Variants in DENND1A observed in about 807,000 individuals in gnomAD.
DENND1A encodes DENN domain containing 1A.
A neutral mutation model predicts 113.7 loss-of-function variants in DENND1A; 51 were observed. That is an observed-to-expected ratio of 0.45 (90% CI 0.36 to 0.57). DENND1A has a LOEUF of 0.57. Ranked by LOEUF, DENND1A falls within the 20% of genes least tolerant of loss-of-function variation. DENND1A has a pLI of 0.00. For synonymous variants in DENND1A, 565 were observed against 570.8 expected (o/e 0.99, Z 0.14); for missense variants, 1,258 against 1,395.9 (o/e 0.90, Z 1.57).
At chr9:123,425,997 A>G (rs541607418) in intron 19 of DENND1A, among the ~76,000 whole-genome samples, 23 of 152,382 alleles carry the variant, frequency 1.5e-4, no homozygotes, top group African/African-American at 4.8e-4. Context: ...GGACTAGAGA[A>G]GAAGGGACTC....
At chr9:123,634,852 C>T (rs943330596) in intron 9 of DENND1A, among the ~76,000 whole-genome samples, 1 of 152,178 alleles carries the variant, frequency 6.6e-6, no homozygotes, top group African/African-American at 2.4e-5. Context: ...AATTATACAG[C>T]CAACAGCCAG....
chr9:123,629,200 A>G (rs1419713898), intron 10 of DENND1A, among the ~76,000 whole-genome samples: 1 of 152,230 alleles, frequency 6.6e-6, no homozygotes, highest in Non-Finnish European at 1.5e-5. Context: ...ACCAGTGGTC[A>G]GTGTCCCGTG....
At chr9:123,430,888 C>G (rs1269778864) in intron 19 of DENND1A, among the ~76,000 whole-genome samples, 1 of 152,080 alleles carries the variant, frequency 6.6e-6, no homozygotes, top group East Asian at 1.9e-4. Context: ...TATATAGTCC[C>G]AGCAACTTGG....
At chr9:123,678,403 T>A (rs1230228085) in intron 5 of DENND1A, among the ~76,000 whole-genome samples, 2 of 152,132 alleles carry the variant, frequency 1.3e-5, no homozygotes, top group Non-Finnish European at 2.9e-5. Context: ...TAGAAGGAAA[T>A]TTTCCAAAGC....
intron 21 of DENND1A, among the ~76,000 whole-genome samples, chr9:123,395,159 G>T (rs1479285383): frequency 6.6e-6 from 1 of 152,172 alleles, no homozygotes; most frequent in Non-Finnish European, 1.5e-5. Flanking sequence ...CCTTTCAGGG[G>T]TGACTGAAAT....
At chr9:123,627,687 C>A (rs1217806233) in intron 10 of DENND1A, among the ~76,000 whole-genome samples, 1 of 150,216 alleles carries the variant, frequency 6.7e-6, no homozygotes, top group Non-Finnish European at 1.5e-5. Flanking sequence ...TTGCAGTGAG[C>A]CCAGATTGTG....
chr9:123,479,938 G>T lies in DENND1A; in HGVS notation c.994-22041C>A, dbSNP rs573243622. 2.0e-5 allele frequency among the ~76,000 whole-genome samples: 3 copies of T among 152,356 alleles called. No individual in the cohort carries two copies. In the South Asian group the frequency reaches 6.2e-4, roughly 32 times the overall value. ...AAAAGAGCTTTCATTTAGTCATGAT[G>T]AATGGGGAAGGCAAATGTCAGCTGA... On this transcript the variant is annotated intron_variant, in intron 13 of 23. Coordinates refer to ENST00000394215, the MANE Select transcript of DENND1A (RefSeq NM_001352964.2).
intron 21 of DENND1A, chr9:123,401,906 G>A: frequency 6.2e-7 from 1 of 1,614,132 alleles, no homozygotes; most frequent in Non-Finnish European, 8.5e-7. Context: ...GTGTTGCAAT[G>A]GTGTTTCTGT....
intron 18 of DENND1A, among the ~76,000 whole-genome samples, chr9:123,441,322 T>C (rs1250605218): frequency 6.6e-6 from 1 of 152,254 alleles, no homozygotes; most frequent in Non-Finnish European, 1.5e-5. Context: ...TTTCCACATT[T>C]GTTTACTGAT....
In DENND1A at chr9:123,644,744, A is replaced by G. The variant is rs552286085; in HGVS notation, c.618+7269T>C. ...AGCCTCCTTCCCCTGACACTGCATC[A>G]TAACGACCTATATTCATGGCCACCT... is the stretch of plus-strand genomic sequence containing the variant. On this transcript the variant is annotated intron_variant, in intron 9 of 23. Transcript: ENST00000394215. Among the ~76,000 whole-genome samples, 13 of 152,344 alleles carry G rather than the reference A, an allele frequency of 8.5e-5. No individual in the cohort carries two copies. In the South Asian group the frequency reaches 2.7e-3, roughly 32 times the overall value.
At position 123,757,833 on chromosome 9, in the gene DENND1A, G is replaced by A. The variant is rs2070700407; in HGVS notation, c.183-11C>T. The A allele has an allele frequency of 2.5e-6, 4 of 1,612,840 alleles. No individual in the cohort carries two copies. Among genetic ancestry groups the A allele is most frequent in the Non-Finnish European group, 3.4e-6 (4 of 1,179,420 alleles). On this transcript the variant is annotated splice_polypyrimidine_tract_variant and intron_variant, in intron 4 of 23. Coordinates refer to ENST00000394215, the MANE Select transcript of DENND1A (RefSeq NM_001352964.2). ...TGGCTAACTGTGAGGCTGCAGCAAA[G>A]GCAGAACAAAGGGGAAAATGAATGT...
intron 10 of DENND1A, among the ~76,000 whole-genome samples, chr9:123,629,420 G>A (rs564161049): frequency 6.6e-6 from 1 of 152,290 alleles, no homozygotes; most frequent in South Asian, 2.1e-4. Context: ...GATCCAAATC[G>A]GTCACAAAGA....
intron 5 of DENND1A, among the ~76,000 whole-genome samples, chr9:123,718,561 G>A (rs777368687): frequency 3.9e-5 from 6 of 152,180 alleles, no homozygotes; most frequent in Non-Finnish European, 7.3e-5. Context: ...TCTTAAGTCA[G>A]TTGAAACAAC....
chr9:123,504,719 C>T (rs549510336), intron 13 of DENND1A, among the ~76,000 whole-genome samples: 11 of 152,282 alleles, frequency 7.2e-5, no homozygotes, highest in East Asian at 3.9e-4. Flanking sequence ...AGAAGAGAGG[C>T]GCTCAGGCAG....
chr9:123,862,551 C>G (rs766609485), intron 2 of DENND1A, among the ~76,000 whole-genome samples: 2 of 152,166 alleles, frequency 1.3e-5, no homozygotes, highest in Non-Finnish European at 2.9e-5. Context: ...TCATTCACCA[C>G]AGAGCAAAAC....
At chr9:123,699,064 G>A (rs1024751788) in intron 5 of DENND1A, among the ~76,000 whole-genome samples, 4 of 150,868 alleles carry the variant, frequency 2.7e-5, no homozygotes, top group South Asian at 2.1e-4. Flanking sequence ...GACTTAACCC[G>A]TGGTTCCCCC....
At chr9:123,678,092 C>T (rs1425394391) in intron 5 of DENND1A, among the ~76,000 whole-genome samples, 3 of 152,170 alleles carry the variant, frequency 2.0e-5, no homozygotes, top group African/African-American at 7.2e-5. Context: ...TCTCTCTTTT[C>T]TGTGCTGCCC....
chr9:123,752,228 A>T (rs1312656535), intron 5 of DENND1A, among the ~76,000 whole-genome samples: 1 of 152,162 alleles, frequency 6.6e-6, no homozygotes, highest in Non-Finnish European at 1.5e-5. Context: ...CTGGGGCTAG[A>T]TCTCTGTGTT....
chr9:123,687,498 A>G (rs1589668440), intron 5 of DENND1A, among the ~76,000 whole-genome samples: 2 of 152,350 alleles, frequency 1.3e-5, no homozygotes, highest in Non-Finnish European at 2.9e-5. Context: ...CACATCCAAG[A>G]ATGACCCTGT....
Sources: gnomAD v4.1 joint callset for allele counts (sites outside exome capture counted in the v4.1 genomes callset) on GRCh38, gnomAD v4.1.1 for gene constraint, MANE v1.5 for transcripts, NCBI Gene and HGNC (gene_info 2026-07-23, HGNC 2026-07-21) for gene names.